Variants in CTNNA3 observed in about 807,000 individuals in gnomAD.
CTNNA3 encodes catenin alpha-3.
Under a neutral mutation model 95.7 loss-of-function variants are expected in CTNNA3, and 76 were observed. That is an observed-to-expected ratio of 0.79 (90% confidence interval 0.66 to 0.96). The LOEUF is 0.96. Among genes scored for constraint, CTNNA3 ranks in the 40% least tolerant of loss-of-function variants. The pLI is 0.00. For missense variants in CTNNA3, 1,191 were observed against 1,089.8 expected, an observed-to-expected ratio of 1.09 and a Z score of -1.31; for synonymous variants, 431 against 374.4, an observed-to-expected ratio of 1.15 and a Z score of -1.74.
chr10:66,801,366 T>G (rs1279330771), intron 7 of CTNNA3, among the ~76,000 whole-genome samples: 1 of 151,308 alleles, frequency 6.6e-6, no homozygotes, highest in Admixed American at 6.6e-5. Context: ...GACAACAAAG[T>G]AAAATCATGT....
At chr10:66,053,652 A>G (rs2080010203) in intron 15 of CTNNA3, among the ~76,000 whole-genome samples, 1 of 152,078 alleles carries the variant, frequency 6.6e-6, no homozygotes, top group South Asian at 2.1e-4. Flanking sequence ...TTATGAATAC[A>G]TAATAGTTGT....
intron 7 of CTNNA3, among the ~76,000 whole-genome samples, chr10:67,041,330 C>G (rs1049005707): frequency 6.6e-6 from 1 of 152,042 alleles, no homozygotes; most frequent in African/African-American, 2.4e-5. Context: ...GCCCAAGGGG[C>G]CTTCGTGATA....
At chr10:67,416,607 CAAAAAAAA>C (rs368513767) in intron 5 of CTNNA3, among the ~76,000 whole-genome samples, 2 of 38,352 alleles carry the variant, frequency 5.2e-5, no homozygotes, top group South Asian at 7.0e-4. Context: ...GACTCTGTCT[CAAAAAAAA>C]AAAAAAAAAA....
chr10:66,681,322 T>A lies in CTNNA3; in HGVS notation c.1282-59538A>T, dbSNP rs185414762. Among the ~76,000 whole-genome samples the A allele has an allele frequency of 3.2e-4, 49 of 152,242 alleles. 1 individual carries two copies. The highest frequency in any genetic ancestry group is 1.3e-3 in the Admixed American group (20 of 15,288). On this transcript the variant is annotated intron_variant, in intron 9 of 17. Coordinates refer to ENST00000433211, the MANE Select transcript of CTNNA3 (RefSeq NM_013266.4). The stretch of plus-strand genomic sequence containing the variant: ...CCATTCAACAACTGCTTCAACTCAC[T>A]TGGTCCTAAGTTTGGCAGCTCAAAA...
chr10:67,097,982 G>C (rs1179965306), intron 7 of CTNNA3: 6 of 590,386 alleles, frequency 1.0e-5, no homozygotes. Context: ...TCTACACTTT[G>C]TAATTAGCTA....
chr10:66,673,404 T>C (rs1473220750), intron 9 of CTNNA3, among the ~76,000 whole-genome samples: 2 of 152,262 alleles, frequency 1.3e-5, no homozygotes, highest in East Asian at 3.9e-4. Flanking sequence ...TAAGTGTTGC[T>C]AAATTGTAAG....
chr10:67,456,539 AT>A (rs1416321693), intron 5 of CTNNA3, among the ~76,000 whole-genome samples: 1 of 152,160 alleles, frequency 6.6e-6, no homozygotes, highest in Non-Finnish European at 1.5e-5. Context: ...AACTAAACTG[AT>A]TTATTTGAGC....
chr10:67,031,389 G>A (rs540217034), intron 7 of CTNNA3, among the ~76,000 whole-genome samples: 6 of 152,216 alleles, frequency 3.9e-5, no homozygotes, highest in African/African-American at 9.6e-5. Flanking sequence ...ATCATTCTTC[G>A]TCTTCACTTC....
chr10:66,999,005 A>G (rs1851528211), intron 7 of CTNNA3, among the ~76,000 whole-genome samples: 1 of 152,162 alleles, frequency 6.6e-6, no homozygotes, highest in Admixed American at 6.6e-5. Context: ...CTGTGCATAT[A>G]AGACAATTAA....
At chr10:67,242,940 A>G (rs80025201) in intron 5 of CTNNA3, among the ~76,000 whole-genome samples, 5,433 of 152,318 alleles carry the variant, frequency 0.036, 203 homozygotes, top group South Asian at 0.18. Context: ...GTATTAATGA[A>G]GTTAAATGAT....
At chr10:66,990,495 AT>A (rs899750692) in intron 7 of CTNNA3, among the ~76,000 whole-genome samples, 7 of 152,248 alleles carry the variant, frequency 4.6e-5, no homozygotes, top group Admixed American at 1.3e-4. Flanking sequence ...ACCTATTTAG[AT>A]TTTTTTGTAC....
At chr10:67,411,382 C>T (rs1434264085) in intron 5 of CTNNA3, among the ~76,000 whole-genome samples, 1 of 152,006 alleles carries the variant, frequency 6.6e-6, no homozygotes, top group Non-Finnish European at 1.5e-5. Context: ...TTTAATATGA[C>T]CAAAACTGAG....
intron 15 of CTNNA3, among the ~76,000 whole-genome samples, chr10:65,993,101 G>A (rs908260118): frequency 1.3e-5 from 2 of 152,202 alleles, no homozygotes; most frequent in Non-Finnish European, 2.9e-5. Flanking sequence ...TGGCATAGGA[G>A]GACACTTGGT....
chr10:67,177,229 TTG>T (rs1228288795), intron 7 of CTNNA3, among the ~76,000 whole-genome samples: 9 of 152,204 alleles, frequency 5.9e-5, no homozygotes, highest in African/African-American at 2.2e-4. Context: ...ATTGAACTTA[TTG>T]AACGTTGAGA....
At chr10:66,453,207 A>G (rs536862658) in intron 11 of CTNNA3, among the ~76,000 whole-genome samples, 14 of 148,928 alleles carry the variant, frequency 9.4e-5, no homozygotes, top group African/African-American at 3.5e-4. Flanking sequence ...ACAGAAGGAG[A>G]CTCTGTCTCA....
At chr10:66,480,505 A>G (rs1839482336) in intron 11 of CTNNA3, among the ~76,000 whole-genome samples, 1 of 152,196 alleles carries the variant, frequency 6.6e-6, no homozygotes, top group Admixed American at 6.5e-5. Flanking sequence ...GGCACTGGAT[A>G]TATGTCATTA....
chr10:66,282,218 T>A (rs2091505287), intron 12 of CTNNA3, among the ~76,000 whole-genome samples: 1 of 151,724 alleles, frequency 6.6e-6, no homozygotes, highest in Non-Finnish European at 1.5e-5. Context: ...GAGAGCAAAC[T>A]CATACCACTT....
At chr10:66,616,898 T>C (rs566586958) in intron 10 of CTNNA3, among the ~76,000 whole-genome samples, 33 of 151,946 alleles carry the variant, frequency 2.2e-4, no homozygotes, top group Non-Finnish European at 3.5e-4. Context: ...TTTCATCTTA[T>C]TAAAAATAAG....
intron 13 of CTNNA3, among the ~76,000 whole-genome samples, chr10:66,179,946 G>C (rs1166716378): frequency 6.6e-6 from 1 of 151,964 alleles, no homozygotes; most frequent in Non-Finnish European, 1.5e-5. Flanking sequence ...AAAGAGTATG[G>C]GTTGAATAGT....
Sources: allele counts gnomAD v4.1 joint callset (sites outside exome capture counted in the v4.1 genomes callset), GRCh38; gene constraint gnomAD v4.1.1; transcripts MANE v1.5; gene names NCBI Gene and HGNC (gene_info 2026-07-23, HGNC 2026-07-21).